The following KCNK13 variants were observed in gnomAD, a reference collection of about 807,000 sequenced individuals.
The protein encoded by KCNK13 is potassium channel subfamily K member 13.
Under a neutral mutation model 23.4 loss-of-function variants are expected in KCNK13, and 12 were observed. That is an observed-to-expected ratio of 0.51 (90% CI 0.33 to 0.83). The LOEUF (loss-of-function observed/expected upper bound fraction) is 0.83, where lower values mean the gene tolerates loss of function less well. Among genes scored for constraint, KCNK13 ranks in the 40% least tolerant of loss-of-function variants. The pLI is 0.02. For missense variants in KCNK13, 463 were observed against 556.3 expected, an observed-to-expected ratio of 0.83 and a Z score of 1.69; for synonymous variants, 231 against 229.5, an observed-to-expected ratio of 1.01 and a Z score of -0.06.
In KCNK13 at chr14:90,185,126, C is replaced by A; in HGVS notation, c.*123C>A. 1 of 866,926 alleles carries A rather than the reference C, an allele frequency of 1.2e-6. No homozygotes were observed. Among genetic ancestry groups the A allele is most frequent in the East Asian group, 2.7e-5 (1 of 36,536 alleles). The allele number at this position is 866,926 out of a possible 1,614,324, so 53.7% of individuals were successfully genotyped here. ...TGGGAGCTGTTCCCGGGAGCCTCCG[C>A]AAGCATCTTTAGAAATCTGATCTCG... On this transcript the variant is annotated 3_prime_UTR_variant, in exon 2 of 2. Coordinates refer to ENST00000282146, the MANE Select transcript of KCNK13 (RefSeq NM_022054.4).
At chr14:90,123,270 G>T (rs1460142049) in intron 1 of KCNK13, among the ~76,000 whole-genome samples, 1 of 152,300 alleles carries the variant, frequency 6.6e-6, no homozygotes, top group East Asian at 1.9e-4. Context: ...CAGTTCTGAA[G>T]GCTGGAAGTT....
chr14:90,146,556 T>C (rs1454381615), intron 1 of KCNK13, among the ~76,000 whole-genome samples: 1 of 152,176 alleles, frequency 6.6e-6, no homozygotes, highest in Non-Finnish European at 1.5e-5. Context: ...CCCCAGGTGA[T>C]CCACCCACCT....
chr14:90,152,982 C>T (rs1488752265), intron 1 of KCNK13, among the ~76,000 whole-genome samples: 1 of 152,136 alleles, frequency 6.6e-6, no homozygotes, highest in Non-Finnish European at 1.5e-5. Context: ...CCCTCTGACA[C>T]TCAACTCTGC....
chr14:90,112,643 T>C (rs1889629429), intron 1 of KCNK13, among the ~76,000 whole-genome samples: 1 of 152,104 alleles, frequency 6.6e-6, no homozygotes, highest in Non-Finnish European at 1.5e-5. Flanking sequence ...AAAAATTAAA[T>C]GTGATAGAAA....
intron 1 of KCNK13, among the ~76,000 whole-genome samples, chr14:90,132,314 C>T (rs1015455449): frequency 2.4e-4 from 36 of 152,058 alleles, no homozygotes; most frequent in Admixed American, 2.0e-3. Context: ...GAGGCCAAGG[C>T]GAGAGGATCA....
At chr14:90,087,777 A>G (rs1193816410) in intron 1 of KCNK13, among the ~76,000 whole-genome samples, 21 of 152,124 alleles carry the variant, frequency 1.4e-4, no homozygotes, top group Admixed American at 1.3e-3. Flanking sequence ...CTATTTATAG[A>G]GTACCCTTTG....
chr14:90,133,010 T>C (rs940037327), intron 1 of KCNK13, among the ~76,000 whole-genome samples: 3 of 152,200 alleles, frequency 2.0e-5, no homozygotes, highest in African/African-American at 7.2e-5. Context: ...CACGGCTTCA[T>C]AGCTTATCTA....
chr14:90,150,196 G>T (rs564438692), intron 1 of KCNK13, among the ~76,000 whole-genome samples: 10 of 152,320 alleles, frequency 6.6e-5, no homozygotes, highest in African/African-American at 2.2e-4. Context: ...GAGCATCTCA[G>T]GCCGAGGTAC....
intron 1 of KCNK13, among the ~76,000 whole-genome samples, chr14:90,161,630 C>G (rs563785251): frequency 2.2e-4 from 34 of 152,272 alleles, no homozygotes; most frequent in Middle Eastern, 3.4e-3. Context: ...TAAAAGGTTT[C>G]TATAAATGGA....
At chr14:90,150,086 TA>T (rs1890118249) in intron 1 of KCNK13, among the ~76,000 whole-genome samples, 1 of 152,090 alleles carries the variant, frequency 6.6e-6, no homozygotes, top group Admixed American at 6.5e-5. Flanking sequence ...GAGGGACCCA[TA>T]ACCTAGTCTT....
At chr14:90,093,213 T>C (rs1889369728) in intron 1 of KCNK13, among the ~76,000 whole-genome samples, 1 of 152,140 alleles carries the variant, frequency 6.6e-6, no homozygotes, top group Admixed American at 6.5e-5. Flanking sequence ...GAGAGGCAGA[T>C]CCGCTTGGCT....
chr14:90,169,206 C>T (rs1890337974), intron 1 of KCNK13, among the ~76,000 whole-genome samples: 1 of 152,208 alleles, frequency 6.6e-6, no homozygotes. Context: ...CTTCCATCCT[C>T]TCTGAAGCTT....
chr14:90,174,962 T>C (rs1222048119), intron 1 of KCNK13, among the ~76,000 whole-genome samples: 1 of 152,180 alleles, frequency 6.6e-6, no homozygotes, highest in East Asian at 1.9e-4. Flanking sequence ...TCCAGGATGC[T>C]CAGGAAGAAC....
chr14:90,081,615 G>A (rs1443658498), intron 1 of KCNK13, among the ~76,000 whole-genome samples: 1 of 152,128 alleles, frequency 6.6e-6, no homozygotes, highest in Non-Finnish European at 1.5e-5. Context: ...TCTATTTAAG[G>A]TATACAATTC....
chr14:90,077,118 T>C (rs1191605108), intron 1 of KCNK13, among the ~76,000 whole-genome samples: 1 of 22,704 alleles, frequency 4.4e-5, no homozygotes, highest in Non-Finnish European at 9.4e-5. Context: ...CGCACCTGGC[T>C]TTTTTTTTTT....
chr14:90,115,099 T>G (rs1889660475), intron 1 of KCNK13, among the ~76,000 whole-genome samples: 2 of 152,348 alleles, frequency 1.3e-5, no homozygotes, highest in South Asian at 4.1e-4. Flanking sequence ...TTCAAAATTT[T>G]GGGACTGGGA....
In KCNK13 at chr14:90,133,598, CAAA is replaced by C. The variant is rs35500723; in HGVS notation, c.335-50498_335-50496del. Among the ~76,000 whole-genome samples, 211 of 117,238 alleles carry C rather than the reference CAAA, an allele frequency of 1.8e-3. 2 individuals carry two copies. Among genetic ancestry groups the C allele is most frequent in the African/African-American group, 3.6e-3 (113 of 31,488 alleles). The allele number at this position is 117,238 out of a possible 152,430, so 76.9% of individuals were successfully genotyped here. A position where few individuals can be genotyped will look rare whatever the true frequency, so the allele number is the denominator to read the frequency against. On this transcript the variant is annotated intron_variant, in intron 1 of 1. Coordinates refer to ENST00000282146, the MANE Select transcript of KCNK13 (RefSeq NM_022054.4). ...TTATTTAGAACAAAAACAAAACAGG[CAAA>C]AAAAAAAAAAAAAACAGTTAAGAAA...
chr14:90,107,675 A>G, intron 1 of KCNK13: 1 of 717,144 alleles, frequency 1.4e-6, no homozygotes, highest in Non-Finnish European at 2.6e-6. Context: ...GCCTGTCAGC[A>G]TGGCTCAAGA....
chr14:90,126,428 TTGATGTGACG>T (rs59593864), intron 1 of KCNK13, among the ~76,000 whole-genome samples: 29,216 of 151,234 alleles, frequency 0.19, 3,096 homozygotes, highest in Non-Finnish European at 0.23. Context: ...GTGTATCCCC[TTGATGTGACG>T]TGATGTGACG....
Sources: gnomAD v4.1 joint callset for allele counts (sites outside exome capture counted in the v4.1 genomes callset) on GRCh38, gnomAD v4.1.1 for gene constraint, MANE v1.5 for transcripts, NCBI Gene and HGNC (gene_info 2026-07-23, HGNC 2026-07-21) for gene names.